The following ANXA4 variants were observed in gnomAD, a reference collection of about 807,000 sequenced individuals.
The protein encoded by ANXA4 is annexin A4.
ANXA4 carries 39 observed loss-of-function variants against 49.8 expected under a neutral mutation model. The observed-to-expected ratio is 0.78, with a 90% CI of 0.61 to 1.02. The LOEUF (loss-of-function observed/expected upper bound fraction) is 1.02. ANXA4 is among the 50% of genes least tolerant of loss of function. ANXA4 has a pLI of 0.00. For missense variants in ANXA4, 360 were observed against 410.1 expected (o/e 0.88, Z 1.05); for synonymous variants, 134 against 152.5 (o/e 0.88, Z 0.89).
At chr2:69,702,792 C>T (rs1268914112) in intron 2 of ANXA4, among the ~76,000 whole-genome samples, 3 of 152,122 alleles carry the variant, frequency 2.0e-5, no homozygotes, top group South Asian at 4.1e-4. Flanking sequence ...TCTCTAAAGA[C>T]AAAATTTTTT....
intron 1 of ANXA4, among the ~76,000 whole-genome samples, chr2:69,765,580 C>T (rs1449766391): frequency 6.6e-6 from 1 of 152,204 alleles, no homozygotes. Flanking sequence ...TGCCCCCAAT[C>T]ACTGGCCCCA....
chr2:69,645,681 T>G (rs1378305829), intron 1 of ANXA4, among the ~76,000 whole-genome samples: 1 of 152,236 alleles, frequency 6.6e-6, no homozygotes, highest in Non-Finnish European at 1.5e-5. Flanking sequence ...AACATGCATT[T>G]ATTTAACACC....
chr2:69,706,018 A>AT (rs1448015848), intron 2 of ANXA4, among the ~76,000 whole-genome samples: 6 of 151,942 alleles, frequency 3.9e-5, no homozygotes, highest in Admixed American at 3.9e-4. Context: ...TTTATTAAAA[A>AT]ATATATATAT....
intron 2 of ANXA4, among the ~76,000 whole-genome samples, chr2:69,691,572 T>C (rs114606164): frequency 2.9e-5 from 1 of 34,138 alleles, no homozygotes; most frequent in Non-Finnish European, 5.8e-5. Context: ...CACACACACA[T>C]GCACACACAC....
intron 3 of ANXA4, among the ~76,000 whole-genome samples, chr2:69,732,113 G>C (rs1670118880): frequency 6.6e-6 from 1 of 151,550 alleles, no homozygotes; most frequent in South Asian, 2.1e-4. Context: ...GAGTAGCTGG[G>C]ACTACAGGCG....
chr2:69,728,269 A>G (rs1670012692), intron 3 of ANXA4, among the ~76,000 whole-genome samples: 1 of 152,194 alleles, frequency 6.6e-6, no homozygotes, highest in Non-Finnish European at 1.5e-5. Flanking sequence ...GCTTCTCTAT[A>G]TGATCTTGCT....
chr2:69,812,330 A>G (rs534335124), intron 7 of ANXA4, among the ~76,000 whole-genome samples: 1 of 152,198 alleles, frequency 6.6e-6, no homozygotes, highest in South Asian at 2.1e-4. Context: ...GGCATGAGTC[A>G]GCTGGGAAGA....
chr2:69,693,205 T>C (rs1239509856), intron 2 of ANXA4, among the ~76,000 whole-genome samples: 1 of 152,096 alleles, frequency 6.6e-6, no homozygotes, highest in Non-Finnish European at 1.5e-5. Flanking sequence ...CTGCCTGCAA[T>C]GCAGTTCGGA....
intron 2 of ANXA4, among the ~76,000 whole-genome samples, chr2:69,671,682 C>T (rs1195081750): frequency 6.6e-6 from 1 of 152,182 alleles, no homozygotes; most frequent in African/African-American, 2.4e-5. Context: ...GAGATTGCGC[C>T]ACTGCACTCC....
rs1670419835 is a variant in ANXA4 at position 69,742,143 on chromosome 2, G to C, written c.-79G>C. The stretch of plus-strand genomic sequence containing the variant: ...TGGCCCTGAGTAGGGTGTGACCTCC[G>C]CAGCCGCAGAGGAGGAGCGCAGCCC... On this transcript the variant is annotated 5_prime_UTR_variant, in exon 1 of 13. Coordinates refer to ENST00000394295, the MANE Select transcript of ANXA4 (RefSeq NM_001153.5). 6.6e-6 allele frequency: 1 copy of C among 152,420 alleles called. No individual in the cohort carries two copies. Among genetic ancestry groups the C allele is most frequent in the African/African-American group, 2.4e-5 (1 of 41,444 alleles). 9.4% of individuals were successfully genotyped at this position (152,420 alleles called of 1,614,324 possible).
At chr2:69,737,736 C>T (rs943138643), upstream of ANXA4, among the ~76,000 whole-genome samples, 5 of 152,110 alleles carry the variant, frequency 3.3e-5, no homozygotes, top group Admixed American at 6.6e-5. Context: ...GCAGCAGGGA[C>T]TACAGGCTCA....
chr2:69,822,933 GAA>G (rs1452743609), intron 12 of ANXA4, among the ~76,000 whole-genome samples: 4 of 151,716 alleles, frequency 2.6e-5, no homozygotes, highest in East Asian at 1.9e-4. Context: ...TTTACCACAA[GAA>G]AAAGTCTCTG....
At position 69,812,556 on chromosome 2, in the gene ANXA4, A is replaced by G. The variant is rs1390862928; in HGVS notation, c.478-97A>G. 3 of 995,430 alleles carry G rather than the reference A, an allele frequency of 3.0e-6. No homozygotes were observed. The Middle Eastern group carries it at 7.4e-4, about 247-fold the overall frequency. The allele number at this position is 995,430 out of a possible 1,614,324, so 61.7% of individuals were successfully genotyped here. A position where few individuals can be genotyped will look rare whatever the true frequency, so the allele number is the denominator to read the frequency against. On this transcript the variant is annotated intron_variant, in intron 7 of 12. Transcript: ENST00000394295. ...GGTCTGAAGCTCCAATTCTTGTGGT[A>G]TTTTGTCTCATTACTCTAGACCTGC... is the stretch of plus-strand genomic sequence containing the variant.
intron 7 of ANXA4, 143 bp downstream of exon 7, chr2:69,810,816 T>C: frequency 1.5e-6 from 1 of 663,228 alleles, no homozygotes. Context: ...CTTTATCTTA[T>C]TTCTCCTTCA....
intron 1 of ANXA4, among the ~76,000 whole-genome samples, chr2:69,773,975 G>T (rs965992502): frequency 6.6e-6 from 1 of 151,908 alleles, no homozygotes; most frequent in Non-Finnish European, 1.5e-5. Flanking sequence ...TGGGATTACA[G>T]GCATGCCAGG....
intron 3 of ANXA4, among the ~76,000 whole-genome samples, chr2:69,799,914 A>C (rs980964278): frequency 6.6e-6 from 1 of 152,216 alleles, no homozygotes; most frequent in African/African-American, 2.4e-5. Context: ...AATAATAGAA[A>C]ATGTTTATTA....
chr2:69,643,844 C>T (rs1047344119), upstream of ANXA4: 11 of 1,180,584 alleles, frequency 9.3e-6, 1 homozygote, highest in African/African-American at 6.4e-5. Flanking sequence ...GGCGAGGGAC[C>T]GGGGCCTCTC....
intron 2 of ANXA4, among the ~76,000 whole-genome samples, chr2:69,665,788 A>G (rs954560810): frequency 2.2e-4 from 34 of 152,226 alleles, no homozygotes; most frequent in Non-Finnish European, 2.9e-4. Context: ...TTAAGAAAAC[A>G]AAAAGACAAC....
intron 2 of ANXA4, among the ~76,000 whole-genome samples, chr2:69,673,869 C>T (rs1677294499): frequency 6.6e-6 from 1 of 151,758 alleles, no homozygotes. Flanking sequence ...ATTCTGCCTC[C>T]CTGCAGACTA....
Sources: allele counts gnomAD v4.1 joint callset (sites outside exome capture counted in the v4.1 genomes callset), GRCh38; gene constraint gnomAD v4.1.1; transcripts MANE v1.5; gene names NCBI Gene and HGNC (gene_info 2026-07-23, HGNC 2026-07-21).